The following MACF1 variants were observed in gnomAD, a reference collection of about 807,000 sequenced individuals.
MACF1 encodes microtubule actin crosslinking factor 1, also known as microtubule-actin cross-linking factor 1.
Under a neutral mutation model 854.8 loss-of-function variants are expected in MACF1, and 193 were observed. The observed-to-expected ratio is 0.23, with a 90% CI of 0.20 to 0.25. The LOEUF is 0.25. Among genes scored for constraint, MACF1 ranks in the 10% least tolerant of loss-of-function variants. The pLI is 1.00. For missense variants in MACF1, 7,722 were observed against 8,929.1 expected (o/e 0.86, Z 5.45); for synonymous variants, 3,185 against 3,226.7 (o/e 0.99, Z 0.44).
At chr1:39,272,077 G>A (rs1415747029) in intron 6 of MACF1, among the ~76,000 whole-genome samples, 1 of 152,122 alleles carries the variant, frequency 6.6e-6, no homozygotes, top group Non-Finnish European at 1.5e-5. Flanking sequence ...TATAGCCAAG[G>A]CTGAAAAACT....
At chr1:39,296,743 A>G (rs1396285927) in intron 20 of MACF1, among the ~76,000 whole-genome samples, 3 of 47,842 alleles carry the variant, frequency 6.3e-5, no homozygotes, top group South Asian at 1.1e-3. Flanking sequence ...AGAAAGAAAG[A>G]AAGAAAGAAA....
chr1:39,215,160 C>G (rs551067442), intron 1 of MACF1: 2 of 152,604 alleles, frequency 1.3e-5, no homozygotes, highest in East Asian at 3.9e-4. Context: ...TTTGGAAGTG[C>G]CCTAGGGAGG....
intron 1 of MACF1, among the ~76,000 whole-genome samples, chr1:39,227,157 T>C (rs1644726238): frequency 6.6e-6 from 1 of 152,038 alleles, no homozygotes; most frequent in African/African-American, 2.4e-5. Flanking sequence ...CAAGTGATCC[T>C]TCTGCCTCGG....
At chr1:39,435,468 C>T in intron 69 of MACF1, 90 bp from the exon 70 acceptor site, 1 of 1,106,142 alleles carries the variant, frequency 9.0e-7, no homozygotes, top group Non-Finnish European at 1.3e-6. Context: ...GTTTGTTCCT[C>T]TTAAAGTTGA....
intron 6 of MACF1, chr1:39,268,523 A>AGC: frequency 3.5e-6 from 4 of 1,151,028 alleles, no homozygotes; most frequent in Non-Finnish European, 4.3e-6. Context: ...CTGAATCGGC[A>AGC]GCGGCTGGAA....
chr1:39,276,558 C>T (rs1645441384), intron 6 of MACF1, among the ~76,000 whole-genome samples: 1 of 152,222 alleles, frequency 6.6e-6, no homozygotes, highest in African/African-American at 2.4e-5. Flanking sequence ...TTTACATCCA[C>T]TTTCTACGTG....
chr1:39,290,629 G>C (rs1215382204), intron 15 of MACF1, among the ~76,000 whole-genome samples: 1 of 145,022 alleles, frequency 6.9e-6, no homozygotes, highest in Admixed American at 6.9e-5. Context: ...CTCATTGACA[G>C]AGGAGTTTAT....
At chr1:39,134,046 T>C (rs1361697088) in intron 2 of MACF1, among the ~76,000 whole-genome samples, 1 of 138,284 alleles carries the variant, frequency 7.2e-6, no homozygotes, top group Non-Finnish European at 1.6e-5. Context: ...TTTTTTTTTT[T>C]TTTTTTTTTT....
intron 23 of MACF1, among the ~76,000 whole-genome samples, chr1:39,309,006 G>A (rs1334799833): frequency 4.6e-5 from 7 of 152,048 alleles, no homozygotes; most frequent in Non-Finnish European, 8.8e-5. Context: ...CAACATTTTA[G>A]CATTTTTGTA....
At chr1:39,463,545 C>G (rs1264887605) in intron 93 of MACF1, 67 bp from the exon 94 acceptor site, 1 of 1,120,324 alleles carries the variant, frequency 8.9e-7, no homozygotes, top group Non-Finnish European at 1.3e-6. Flanking sequence ...GTATAAAAAT[C>G]TTTGTTTCTC....
chr1:39,115,287 C>T (rs59274447), intron 2 of MACF1, among the ~76,000 whole-genome samples: 4,014 of 152,070 alleles, frequency 0.026, 162 homozygotes, highest in African/African-American at 0.091. Context: ...GGGAGTGAAA[C>T]TAAGGTTGTG....
chr1:39,182,527 T>TA (rs897757424), intron 2 of MACF1, among the ~76,000 whole-genome samples: 72 of 151,898 alleles, frequency 4.7e-4, no homozygotes, highest in African/African-American at 1.4e-3. Context: ...GAAAACCCAA[T>TA]AAAAAAATGG....
chr1:39,258,540 A>T (rs776015321), intron 6 of MACF1, among the ~76,000 whole-genome samples: 14 of 152,252 alleles, frequency 9.2e-5, no homozygotes, highest in Non-Finnish European at 1.6e-4. Context: ...CACACCCAAG[A>T]GCATCTTGAA....
upstream of MACF1, among the ~76,000 whole-genome samples, chr1:39,201,955 CTTTTTTTTT>C (rs748333630): frequency 7.6e-5 from 4 of 52,360 alleles, no homozygotes; most frequent in Non-Finnish European, 9.3e-5. Context: ...TGCTCATATT[CTTTTTTTTT>C]TTTTTTTTTT....
intron 89 of MACF1, among the ~76,000 whole-genome samples, chr1:39,456,362 A>G (rs184784688): frequency 6.6e-6 from 1 of 152,124 alleles, no homozygotes; most frequent in African/African-American, 2.4e-5. Context: ...GTGCCCATCC[A>G]ACCATTCTTT....
Position 39,447,540 on chromosome 1 carries a change from C to G in MACF1, c.19714C>G (p.Pro6572Ala). Residue 6572 changes from proline to alanine, a missense_variant, in exon 81 of 101, where the codon CCA becomes GCA. Around this residue, in one of 15 missense-constraint regions of MACF1, gnomAD observed 729 missense variants for 900.5 expected, o/e 0.81. Transcript: ENST00000564288. ...GCAGAGTTTAAACATCGCTTCTCCA[C>G]CAAGCCTGATTCTAAATACTGTCCT... Reference protein sequence around the residue: ...AEQSLNIASPPSLILNTVLSQ... With the variant: ...AEQSLNIASPASLILNTVLSQ... The G allele has an allele frequency of 6.2e-7, 1 of 1,614,144 alleles. No individual in the cohort carries two copies. Among genetic ancestry groups the G allele is most frequent in the Non-Finnish European group, 8.5e-7 (1 of 1,180,028 alleles).
In MACF1 at chr1:39,332,610, A is replaced by G; in HGVS notation, c.6022A>G (p.Ile2008Val). 1 of 1,614,192 alleles carries G rather than the reference A, an allele frequency of 6.2e-7. No individual in the cohort carries two copies. Among genetic ancestry groups the G allele is most frequent in the Non-Finnish European group, 8.5e-7 (1 of 1,180,030 alleles). ...AACAAGTCCTCCAAAAGTGGTTGAAATTGGGCATCAAAGGCAAAAAACTCC... is the reference window on the plus strand; with the variant it reads ...AACAAGTCCTCCAAAAGTGGTTGAAGTTGGGCATCAAAGGCAAAAAACTCC... Reference protein sequence around the residue: ...YQTSPPKVVEIGHQRQKTPEG... With the variant: ...YQTSPPKVVEVGHQRQKTPEG... Residue 2008 changes from isoleucine (I) to valine (V), a missense_variant, in exon 37 of 101, where the codon ATT (isoleucine) becomes GTT (valine). Physicochemically the swap from Ile to Val is conservative, Grantham distance 29 (BLOSUM62 3). Transcript: ENST00000564288.
At chr1:39,149,413 C>T (rs1643529024) in intron 2 of MACF1, among the ~76,000 whole-genome samples, 1 of 151,980 alleles carries the variant, frequency 6.6e-6, no homozygotes, top group African/African-American at 2.4e-5. Context: ...ATCCCAACTA[C>T]TCGGGAGGCT....
At chr1:39,273,849 C>A (rs1218140242) in intron 6 of MACF1, among the ~76,000 whole-genome samples, 2 of 152,178 alleles carry the variant, frequency 1.3e-5, no homozygotes, top group Admixed American at 1.3e-4. Context: ...CTCGGCTTCC[C>A]AAAGTGCTGG....
Sources: gnomAD v4.1 joint callset for allele counts (sites outside exome capture counted in the v4.1 genomes callset) on GRCh38, gnomAD v4.1.1 for gene constraint, gnomAD v4.1.1 regional missense constraint, MANE v1.5 for transcripts, NCBI Gene and HGNC (gene_info 2026-07-23, HGNC 2026-07-21) for gene names.